AP1S2: variants seen among roughly 807,000 people sequenced by gnomAD.
AP1S2 encodes the protein adaptor related protein complex 1 subunit sigma 2.
AP1S2 carries 1 observed loss-of-function variant against 14.3 expected under a neutral mutation model. The observed-to-expected ratio is 0.07, with a 90% CI of 0.02 to 0.33. AP1S2 has a LOEUF of 0.33. Ranked by LOEUF, AP1S2 falls within the 10% of genes least tolerant of loss-of-function variation. The pLI is 0.99. For synonymous variants in AP1S2, 30 were observed against 40.5 expected (o/e 0.74, Z 0.99); for missense variants, 30 against 117.7 (o/e 0.25, Z 3.45).
chrX:15,831,202 A>G, intron 4 of AP1S2: 1 of 720,479 alleles, frequency 1.4e-6, no homozygotes, highest in Non-Finnish European at 1.6e-6. Flanking sequence ...TTTTCCTCTT[A>G]TAAGATAAAT....
chrX:15,843,325 G>A (rs1933898328), intron 4 of AP1S2, among the ~76,000 whole-genome samples: 1 of 111,823 alleles, frequency 8.9e-6, no homozygotes, highest in Admixed American at 9.5e-5. Context: ...GGAGGCCAAG[G>A]GGGACGGATC....
At position 15,854,804 on chromosome X, in the gene AP1S2, C is replaced by G. The variant is rs1205240894; in HGVS notation, c.-117G>C. On this transcript the variant is annotated 5_prime_UTR_variant, in exon 1 of 6. Coordinates refer to ENST00000672987, the MANE Select transcript of AP1S2 (RefSeq NM_001272071.2). The stretch of plus-strand genomic sequence containing the variant: ...GCCGTGGTGCTGTGGGGAGGACACC[C>G]GGCTGGCATAGGGCAGGCTTAGGCG... The G allele has an allele frequency of 1.6e-5, 13 of 792,435 alleles. No individual in the cohort carries two copies. The highest frequency in any genetic ancestry group is 2.3e-5 in the African/African-American group (1 of 43,903). The allele number at this position is 792,435 out of a possible 1,213,427, so 65.3% of individuals were successfully genotyped here.
chrX:15,834,570 G>A (rs1933565862), intron 4 of AP1S2, among the ~76,000 whole-genome samples: 1 of 94,180 alleles, frequency 1.1e-5, no homozygotes, highest in African/African-American at 3.8e-5. Context: ...CCACCTCACG[G>A]GTTCAAGCGA....
rs1934291683 is a variant in AP1S2, at chrX:15,854,751, GC to G, written c.-65del. ...CGGCGGCGGCGGCGGCGAAGGGGAAGCCCCTGTCGCCGTGCTGAGGAAGAGA... is the reference window on the plus strand; with the variant it reads ...CGGCGGCGGCGGCGGCGAAGGGGAAGCCCTGTCGCCGTGCTGAGGAAGAGA... On this transcript the variant is annotated 5_prime_UTR_variant, in exon 1 of 6. Coordinates refer to ENST00000672987, the MANE Select transcript of AP1S2 (RefSeq NM_001272071.2). 1.2e-6 allele frequency: 1 copy of G among 811,994 alleles called. No homozygotes were observed. Among genetic ancestry groups the G allele is most frequent in the Non-Finnish European group, 1.5e-6 (1 of 674,186 alleles). The allele number at this position is 811,994 out of a possible 1,213,427, so 66.9% of individuals were successfully genotyped here.
rs1207527571 is a variant in AP1S2 at position 15,846,029 on chromosome X, T to C, written c.180-18A>G. The stretch of plus-strand genomic sequence containing the variant: ...TAGCATATCTGTAACAAAGTACAAA[T>C]GTGAAAAAAACTGTTATCCTATAAT... On this transcript the variant is annotated intron_variant, in intron 2 of 5. Coordinates refer to ENST00000672987, the MANE Select transcript of AP1S2 (RefSeq NM_001272071.2). 9.3e-6 allele frequency: 10 copies of C among 1,074,781 alleles called. No individual in the cohort carries two copies. The highest frequency in any genetic ancestry group is 1.8e-5 in the African/African-American group (1 of 54,614). 88.6% of individuals were successfully genotyped at this position (1,074,781 alleles called of 1,213,427 possible).
At chrX:15,843,119 G>T (rs1225257938) in intron 4 of AP1S2, among the ~76,000 whole-genome samples, 1 of 110,824 alleles carries the variant, frequency 9.0e-6, no homozygotes, top group Non-Finnish European at 1.9e-5. Context: ...ATATACATAT[G>T]TACATATACA....
At position 15,829,601 on chromosome X, in the gene AP1S2, A is replaced by T. The variant is rs1000916756; in HGVS notation, c.427-1401T>A. ...TTTCTAAAAGGCCTAGTTTCAAAGA[A>T]TTATTTACACATTTTATTCTTGTGA... On this transcript the variant is annotated intron_variant, in intron 4 of 5. Coordinates refer to ENST00000672987, the MANE Select transcript of AP1S2 (RefSeq NM_001272071.2). Among the ~76,000 whole-genome samples the T allele has an allele frequency of 2.7e-5, 3 of 112,211 alleles. No individual in the cohort carries two copies. In the South Asian group the frequency reaches 1.1e-3, roughly 41 times the overall value.
intron 4 of AP1S2, among the ~76,000 whole-genome samples, chrX:15,844,228 A>C (rs1473788019): frequency 8.9e-6 from 1 of 112,402 alleles, no homozygotes; most frequent in Admixed American, 9.4e-5. Flanking sequence ...AAGAGTTAAG[A>C]AGTTAAAATG....
intron 4 of AP1S2, among the ~76,000 whole-genome samples, chrX:15,843,826 G>A (rs1933915740): frequency 9.0e-6 from 1 of 111,456 alleles, no homozygotes; most frequent in African/African-American, 3.3e-5. Context: ...GCAAAATAAG[G>A]AGATACTAAC....
chrX:15,852,089 T>A (rs998830389), intron 2 of AP1S2, among the ~76,000 whole-genome samples: 18 of 112,605 alleles, frequency 1.6e-4, no homozygotes, highest in Admixed American at 9.4e-4. Flanking sequence ...TCTATAAAGA[T>A]GATTAAGCAT....
intron 4 of AP1S2, chrX:15,833,638 G>C (rs981408542): frequency 1.6e-5 from 5 of 321,267 alleles, no homozygotes; most frequent in Non-Finnish European, 1.7e-5. Context: ...TGTTATAAAT[G>C]CCTTAAGGAC....
chrX:15,840,450 G>T, intron 4 of AP1S2: 1 of 683,002 alleles, frequency 1.5e-6, no homozygotes, highest in Non-Finnish European at 2.0e-6. Flanking sequence ...TATTTGCATA[G>T]CACTCCATTT....
intron 4 of AP1S2, among the ~76,000 whole-genome samples, chrX:15,837,209 A>G: frequency 8.9e-6 from 1 of 112,367 alleles, no homozygotes; most frequent in Non-Finnish European, 1.9e-5. Flanking sequence ...CTCAAATGCT[A>G]CTAAATATCT....
intron 4 of AP1S2, among the ~76,000 whole-genome samples, chrX:15,836,754 T>G (rs900744007): frequency 3.0e-4 from 33 of 110,872 alleles, no homozygotes; most frequent in African/African-American, 1.1e-3. Context: ...CATGGTGGTG[T>G]GCACCTGTAA....
chrX:15,853,758 C>G (rs1224479086), intron 1 of AP1S2, among the ~76,000 whole-genome samples: 1 of 111,954 alleles, frequency 8.9e-6, no homozygotes, highest in African/African-American at 3.3e-5. Flanking sequence ...TTAAAATGGT[C>G]TTATTACCTC....
intron 4 of AP1S2, among the ~76,000 whole-genome samples, chrX:15,834,781 G>T (rs1301948423): frequency 9.4e-6 from 1 of 106,091 alleles, no homozygotes; most frequent in Non-Finnish European, 1.9e-5. Context: ...ACTATGCCCA[G>T]CCCCAATATA....
chrX:15,829,680 C>T (rs891611975), intron 4 of AP1S2, among the ~76,000 whole-genome samples: 9 of 112,082 alleles, frequency 8.0e-5, no homozygotes, highest in African/African-American at 2.6e-4. Context: ...TAAAATGGAA[C>T]TTACACATGT....
chrX:15,848,427 G>C (rs1934064115), intron 2 of AP1S2, among the ~76,000 whole-genome samples: 1 of 111,610 alleles, frequency 9.0e-6, no homozygotes, highest in Non-Finnish European at 1.9e-5. Flanking sequence ...TAGAGCCCAA[G>C]TTTTACATTA....
intron 4 of AP1S2, among the ~76,000 whole-genome samples, chrX:15,834,481 A>ATATATATATATATATAAT (rs1569080380): frequency 8.5e-4 from 11 of 13,006 alleles, no homozygotes; most frequent in East Asian, 4.7e-3. Flanking sequence ...TATATATATA[A>ATATATATATATATATAAT]TTTTTTTTTT....
Sources: gnomAD v4.1 joint callset for allele counts (sites outside exome capture counted in the v4.1 genomes callset) on GRCh38, gnomAD v4.1.1 for gene constraint, MANE v1.5 for transcripts, NCBI Gene and HGNC (gene_info 2026-07-23, HGNC 2026-07-21) for gene names.